USP4: variants seen among roughly 807,000 people sequenced by gnomAD.
USP4 encodes the protein ubiquitin specific peptidase 4, also known as ubiquitin carboxyl-terminal hydrolase 4.
Under a neutral mutation model 118.2 loss-of-function variants are expected in USP4, and 72 were observed. The observed-to-expected ratio is 0.61, with a 90% CI of 0.50 to 0.74. The LOEUF is 0.74. USP4 is among the 30% of genes least tolerant of loss of function. USP4 has a pLI of 0.00. For missense variants in USP4, 1,037 were observed against 1,185.7 expected, an observed-to-expected ratio of 0.87 and a Z score of 1.84; for synonymous variants, 415 against 440.4, an observed-to-expected ratio of 0.94 and a Z score of 0.72.
chr3:49,301,727 A>T (rs867379264), intron 10 of USP4, among the ~76,000 whole-genome samples: 11 of 152,158 alleles, frequency 7.2e-5, no homozygotes, highest in African/African-American at 2.2e-4. Context: ...TAAAGTTTTT[A>T]TCTATACTAC....
chr3:49,313,619 G>A (rs1461474454), intron 6 of USP4, among the ~76,000 whole-genome samples: 1 of 151,980 alleles, frequency 6.6e-6, no homozygotes, highest in Non-Finnish European at 1.5e-5. Context: ...CATGAGAACA[G>A]AAAAATGGCA....
intron 20 of USP4, 129 bp from the exon 21 acceptor site, chr3:49,279,031 G>A (rs951698582): frequency 1.9e-6 from 1 of 517,414 alleles, no homozygotes; most frequent in African/African-American, 2.0e-5. Context: ...AGTTTACAGT[G>A]TGTGTCTTAA....
chr3:49,282,174 C>T (rs1368634854), intron 19 of USP4, among the ~76,000 whole-genome samples: 1 of 152,034 alleles, frequency 6.6e-6, no homozygotes, highest in African/African-American at 2.4e-5. Flanking sequence ...AACAGAATTA[C>T]AGTTGGTGCC....
At chr3:49,318,125 C>T (rs1249631142) in intron 6 of USP4, among the ~76,000 whole-genome samples, 2 of 152,112 alleles carry the variant, frequency 1.3e-5, no homozygotes, top group Non-Finnish European at 2.9e-5. Context: ...CATGAGCCAC[C>T]GTGCCTGACC....
intron 6 of USP4, chr3:49,314,027 C>T (rs2047411843): frequency 2.0e-5 from 3 of 152,106 alleles, no homozygotes; most frequent in African/African-American, 4.8e-5. Context: ...GTGAATCCTC[C>T]TCCATTGTTT....
intron 11 of USP4, 47 bp from the exon 12 acceptor site, chr3:49,298,682 T>C (rs772622828): frequency 6.4e-7 from 1 of 1,554,124 alleles, no homozygotes; most frequent in Admixed American, 1.7e-5. Context: ...CCACAAAGGG[T>C]GCGAAATGCA....
At chr3:49,318,430 A>G (rs2047463640) in intron 6 of USP4, 11 of 985,528 alleles carry the variant, frequency 1.1e-5, no homozygotes, top group Non-Finnish European at 1.3e-5. Flanking sequence ...AAAGGGCCTT[A>G]TAGACCTCAG....
intron 15 of USP4, among the ~76,000 whole-genome samples, chr3:49,289,280 A>G (rs996365736): frequency 2.0e-5 from 3 of 152,208 alleles, no homozygotes; most frequent in African/African-American, 7.2e-5. Flanking sequence ...AGTGCCTTTC[A>G]TGTGCCCTGT....
intron 6 of USP4, chr3:49,317,053 C>T (rs2047444461): frequency 9.5e-7 from 1 of 1,057,928 alleles, no homozygotes; most frequent in Admixed American, 2.0e-5. Context: ...TTGAGGGGCG[C>T]ACAGAGGCAG....
chr3:49,278,788 A>G (rs1263160700), intron 21 of USP4, 26 bp downstream of exon 21: 1 of 1,526,900 alleles, frequency 6.5e-7, no homozygotes, highest in South Asian at 1.2e-5. Flanking sequence ...GACATGAGGA[A>G]GAACCACATA....
intron 12 of USP4, 114 bp downstream of exon 12, chr3:49,298,438 C>T: frequency 1.1e-6 from 1 of 924,814 alleles, no homozygotes; most frequent in Non-Finnish European, 1.8e-6. Flanking sequence ...CAAATAATCA[C>T]ATTTGTGCTG....
chr3:49,328,809 G>A (rs1032088507), intron 2 of USP4, among the ~76,000 whole-genome samples: 9 of 151,470 alleles, frequency 5.9e-5, no homozygotes, highest in South Asian at 4.2e-4. Flanking sequence ...GCAGTGAGCC[G>A]AGATACCCCA....
Position 49,277,145 on chromosome 3 carries a change from C to A in USP4, c.*1148G>T, listed in dbSNP as rs1055505688. ...TCCCAGGCCGCTGGCCCTACCGGCA[C>A]CCCCCCTTTGGCGAGTCGGCAGCCA... On this transcript the variant is annotated 3_prime_UTR_variant, in exon 22 of 22. Transcript: ENST00000265560. 2.1e-6 allele frequency: 3 copies of A among 1,437,328 alleles called. No individual in the cohort carries two copies. Among genetic ancestry groups the A allele is most frequent in the Non-Finnish European group, 2.8e-6 (3 of 1,084,394 alleles). The allele number at this position is 1,437,328 out of a possible 1,614,324, so 89.0% of individuals were successfully genotyped here. A position where few individuals can be genotyped will look rare whatever the true frequency, so the allele number is the denominator to read the frequency against.
chr3:49,338,160 T>C (rs1278391864), intron 1 of USP4, among the ~76,000 whole-genome samples: 2 of 150,642 alleles, frequency 1.3e-5, no homozygotes, highest in Non-Finnish European at 3.0e-5. Flanking sequence ...TAAAATTTTA[T>C]AACCAACAAA....
intron 10 of USP4, among the ~76,000 whole-genome samples, chr3:49,300,995 C>T (rs188955796): frequency 6.6e-6 from 1 of 152,248 alleles, no homozygotes; most frequent in East Asian, 1.9e-4. Context: ...GTCGCTCAGG[C>T]TGGCGTGATC....
In USP4 at chr3:49,298,590, C is replaced by T. The variant is rs746574786; in HGVS notation, c.1558G>A (p.Glu520Lys). ...ATGCCAGACAGCCTGGAGAGAGCCT[C>T]GCACAGGTCGGACACAGCCCCCATC... The part of the protein sequence containing the change: ...PLMGAVSDLC[E>K]ALSRLSGIAA... The change falls in exon 12 of 22, where the codon GAG becomes AAG. Residue 520 changes from glutamate to lysine, a missense_variant. This residue lies in a region of USP4 where 522 missense variants were observed against 592.6 expected (regional missense o/e 0.88). Transcript: ENST00000265560. 17 of 1,614,056 alleles carry T rather than the reference C, an allele frequency of 1.1e-5. No individual in the cohort carries two copies. Among genetic ancestry groups the T allele is most frequent in the Admixed American group, 1.0e-4 (6 of 59,994 alleles).
Position 49,327,753 on chromosome 3 carries a change from G to A in USP4, c.293C>T (p.Thr98Ile), listed in dbSNP as rs2047572348. ...IDELDYVLVPTEAWNKLLNWY... is the reference protein window; with the variant it reads ...IDELDYVLVPIEAWNKLLNWY... ...GTTTAGTAGTTTATTCCACGCCTCG[G>A]TAGGGACCAATACATAGTCCAATTC... Residue 98 changes from threonine (T) to isoleucine (I), a missense_variant, in exon 3 of 22, where the codon ACC (threonine) becomes ATC (isoleucine). Thr to Ile is a moderately conservative substitution (Grantham distance 89). This residue lies in a region of USP4 where 487 missense variants were observed against 534.1 expected (regional missense o/e 0.91). Coordinates refer to ENST00000265560, the MANE Select transcript of USP4 (RefSeq NM_003363.4). The A allele has an allele frequency of 6.2e-7, 1 of 1,613,900 alleles. No homozygotes were observed. The highest frequency in any genetic ancestry group is 8.5e-7 in the Non-Finnish European group (1 of 1,179,822).
At chr3:49,311,880 G>T (rs1486293429) in intron 6 of USP4, 4 of 1,205,252 alleles carry the variant, frequency 3.3e-6, no homozygotes, top group African/African-American at 1.6e-5. Context: ...TACCCTTTCA[G>T]TGTGAAAAAC....
At chr3:49,326,540 G>GTATGT (rs1394942354) in intron 3 of USP4, among the ~76,000 whole-genome samples, 13 of 150,850 alleles carry the variant, frequency 8.6e-5, no homozygotes, top group East Asian at 5.9e-4. Context: ...GGGACTACAG[G>GTATGT]GGCCCACCAT....
Sources: gnomAD v4.1 joint callset for allele counts (sites outside exome capture counted in the v4.1 genomes callset) on GRCh38, gnomAD v4.1.1 for gene constraint, gnomAD v4.1.1 regional missense constraint, MANE v1.5 for transcripts, NCBI Gene and HGNC (gene_info 2026-07-23, HGNC 2026-07-21) for gene names.